PRDM1: variants seen among roughly 807,000 people sequenced by gnomAD.
PRDM1 encodes PR domain zinc finger protein 1.
In PRDM1, 13 loss-of-function variants were observed where a neutral mutation model predicts 62.8. That is an observed-to-expected ratio of 0.21 (90% CI 0.13 to 0.33). PRDM1 has a LOEUF of 0.33. Ranked by LOEUF, PRDM1 falls within the 10% of genes least tolerant of loss-of-function variation. The pLI is 1.00. For synonymous variants in PRDM1, 396 were observed against 417.6 expected (o/e 0.95, Z 0.63); for missense variants, 895 against 1,058.8 (o/e 0.85, Z 2.15).
chr6:106,088,797 T>A (rs562339726), intron 2 of PRDM1, among the ~76,000 whole-genome samples: 4 of 152,232 alleles, frequency 2.6e-5, no homozygotes, highest in Non-Finnish European at 5.9e-5. Flanking sequence ...CAATATCTCT[T>A]AAGGGAGAAA....
chr6:106,007,876 G>C (rs1375201140), intron 1 of PRDM1, among the ~76,000 whole-genome samples: 1 of 152,196 alleles, frequency 6.6e-6, no homozygotes, highest in Non-Finnish European at 1.5e-5. Context: ...TTAACCAGTA[G>C]TTGGTACGCC....
At chr6:106,051,258 A>G (rs1022523914) in intron 1 of PRDM1, among the ~76,000 whole-genome samples, 1 of 152,242 alleles carries the variant, frequency 6.6e-6, no homozygotes, top group Non-Finnish European at 1.5e-5. Context: ...TTCCTTGTTA[A>G]TTGTTAACTC....
At chr6:106,041,686 T>C (rs1172538009) in intron 1 of PRDM1, among the ~76,000 whole-genome samples, 1 of 152,116 alleles carries the variant, frequency 6.6e-6, no homozygotes, top group Non-Finnish European at 1.5e-5. Flanking sequence ...CCCAGAAAAG[T>C]TTGACCGTAT....
chr6:106,052,641 G>A (rs1460862185), intron 1 of PRDM1, among the ~76,000 whole-genome samples: 5 of 152,044 alleles, frequency 3.3e-5, no homozygotes, highest in Admixed American at 1.3e-4. Flanking sequence ...ACCCGAATAC[G>A]TCTCAACTAG....
intron 1 of PRDM1, among the ~76,000 whole-genome samples, chr6:106,017,804 G>C (rs953924281): frequency 1.3e-5 from 2 of 152,198 alleles, no homozygotes; most frequent in African/African-American, 4.8e-5. Flanking sequence ...TACTGTGGAA[G>C]CAGGGGCAGA....
intron 1 of PRDM1, among the ~76,000 whole-genome samples, chr6:106,054,775 A>G (rs1160618370): frequency 1.3e-5 from 2 of 152,256 alleles, no homozygotes; most frequent in East Asian, 3.8e-4. Context: ...AAGGAGAAAG[A>G]AGATGCTTAA....
intron 3 of PRDM1, chr6:106,098,112 G>T: frequency 1.4e-6 from 1 of 696,620 alleles, no homozygotes; most frequent in Non-Finnish European, 1.8e-6. Flanking sequence ...GTCGGTACGT[G>T]AGTAAGGAAA....
At chr6:106,005,488 T>C (rs1445772617) in intron 1 of PRDM1, among the ~76,000 whole-genome samples, 2 of 152,264 alleles carry the variant, frequency 1.3e-5, no homozygotes, top group African/African-American at 4.8e-5. Flanking sequence ...CAATCAGGTT[T>C]AGATTTTCTG....
chr6:106,030,614 G>T (rs1194048559), intron 1 of PRDM1, among the ~76,000 whole-genome samples: 1 of 152,106 alleles, frequency 6.6e-6, no homozygotes, highest in South Asian at 2.1e-4. Context: ...TGAGTCCAAG[G>T]TTGTAAATAT....
chr6:106,058,480 ACACAAACATTCAGTC>A (rs1773296779), intron 1 of PRDM1, among the ~76,000 whole-genome samples: 1 of 152,134 alleles, frequency 6.6e-6, no homozygotes, highest in Non-Finnish European at 1.5e-5. Context: ...TTTTGGGGGG[ACACAAACATTCAGTC>A]CATTGCAGCC....
chr6:106,104,872 C>T lies in PRDM1; in HGVS notation c.712C>T (p.Leu238Phe), dbSNP rs1774401103. 6.2e-7 allele frequency: 1 copy of T among 1,614,036 alleles called. No individual in the cohort carries two copies. The highest frequency in any genetic ancestry group is 1.3e-5 in the African/African-American group (1 of 74,998). ...LKQPSTEKNE[L>F]CPKNVPKREY... ...GCAACCGAGCACTGAGAAAAATGAA[C>T]TCTGCCCAAAGAATGTCCCAAAGAG... is the stretch of plus-strand genomic sequence containing the variant. Residue 238 changes from leucine to phenylalanine, a missense_variant, in exon 5 of 7, where the codon CTC (leucine) becomes TTC (phenylalanine). By Grantham distance (22) the Leu-to-Phe change is conservative (BLOSUM62 0). Around this residue, in one of 4 missense-constraint regions of PRDM1, gnomAD observed 444 missense variants for 422.7 expected, o/e 1.05. Transcript: ENST00000369096.
intron 3 of PRDM1, chr6:106,098,808 GGGCGGGGGTGTAGGAAAC>G: frequency 6.6e-7 from 1 of 1,513,684 alleles, no homozygotes. Flanking sequence ...TTGAAGCCTT[GGGCGGGGGTGTAGGAAAC>G]GGCGAGTACA....
In PRDM1 at chr6:106,086,542, G is replaced by A. The variant is rs1408530771; in HGVS notation, c.-12G>A. 1 of 1,551,920 alleles carries A rather than the reference G, an allele frequency of 6.4e-7. No homozygotes were observed. The highest frequency in any genetic ancestry group is 2.4e-5 in the East Asian group (1 of 41,048). On this transcript the variant is annotated 5_prime_UTR_variant, in exon 1 of 7. Coordinates refer to ENST00000369096, the MANE Select transcript of PRDM1 (RefSeq NM_001198.4). ...ATGTGGACTGGGTAGAGATGAACGA[G>A]ACTTTTCTCAGATGTTGGATATTTG...
chr6:106,097,765 A>C (rs1178294747), intron 3 of PRDM1, among the ~76,000 whole-genome samples: 1 of 152,244 alleles, frequency 6.6e-6, no homozygotes, highest in African/African-American at 2.4e-5. Context: ...ACATACCCGT[A>C]GCTTTAGAAA....
intron 4 of PRDM1, among the ~76,000 whole-genome samples, chr6:106,102,676 T>C (rs1208344934): frequency 6.6e-6 from 1 of 152,358 alleles, no homozygotes; most frequent in South Asian, 2.1e-4. Context: ...ACTGAAACTT[T>C]ATGCTTATTG....
rs540524226 is a variant in PRDM1, at chr6:106,053,358, T to A, written c.-67+4644T>A. Among the ~76,000 whole-genome samples the A allele has an allele frequency of 7.9e-5, 12 of 152,264 alleles. 1 individual carries two copies. The South Asian group carries it at 2.5e-3, about 32-fold the overall frequency. On this transcript the variant is annotated intron_variant, in intron 1 of 6. Coordinates refer to the PRDM1 transcript ENST00000651185. ...ATTGTAACCCAGTTGGAAATTAAAA[T>A]TAAAGCAACCAGAAATGTTGTCATA...
intron 1 of PRDM1, among the ~76,000 whole-genome samples, chr6:106,035,715 A>G (rs761213941): frequency 1.3e-5 from 2 of 152,188 alleles, no homozygotes; most frequent in African/African-American, 2.4e-5. Flanking sequence ...TATATGGGAT[A>G]TATATTTCTA....
rs944303782 is a variant in PRDM1, at chr6:106,108,335, G to A, written c.*849G>A. ...CTCCCACCGCCCTGCCCTCCCCACC[G>A]AGTCCTGTGGCCATTCAGAGCGGCC... On this transcript the variant is annotated 3_prime_UTR_variant, in exon 7 of 7. Transcript: ENST00000369096. The A allele has an allele frequency of 1.3e-5, 3 of 233,308 alleles. No homozygotes were observed. The highest frequency in any genetic ancestry group is 2.5e-5 in the Non-Finnish European group (3 of 117,950). 14.5% of individuals were successfully genotyped at this position (233,308 alleles called of 1,614,324 possible). A position where few individuals can be genotyped will look rare whatever the true frequency, so the allele number is the denominator to read the frequency against.
intron 4 of PRDM1, among the ~76,000 whole-genome samples, chr6:106,102,925 G>T (rs769414371): frequency 6.6e-6 from 1 of 152,048 alleles, no homozygotes; most frequent in African/African-American, 2.4e-5. Flanking sequence ...CCTTCCTGTG[G>T]CTGTGAGATG....
Sources: allele counts gnomAD v4.1 joint callset (sites outside exome capture counted in the v4.1 genomes callset), GRCh38; gene constraint gnomAD v4.1.1; regional missense constraint gnomAD v4.1.1; transcripts MANE v1.5; gene names NCBI Gene and HGNC (gene_info 2026-07-23, HGNC 2026-07-21).